PHOX2B: variants seen among roughly 807,000 people sequenced by gnomAD.
PHOX2B encodes paired mesoderm homeobox protein 2B.
In PHOX2B, 1 loss-of-function variant was observed where a neutral mutation model predicts 15.5. The ratio of observed to expected loss-of-function variants is 0.06; its 90% CI spans 0.02 to 0.31. The LOEUF (loss-of-function observed/expected upper bound fraction) is 0.31, where lower values mean the gene tolerates loss of function less well. Ranked by LOEUF, PHOX2B falls within the 10% of genes least tolerant of loss-of-function variation. The probability of loss-of-function intolerance (pLI) is 1.00; values close to 1 mark genes in which losing one functional copy is unlikely to be tolerated. For missense variants in PHOX2B, 314 were observed against 436.4 expected (o/e 0.72, Z 2.50); for synonymous variants, 206 against 190.5 (o/e 1.08, Z -0.67).
At position 41,747,492 on chromosome 4, in the gene PHOX2B, G is replaced by C. The variant is rs1450088667; in HGVS notation, c.286C>G (p.Arg96Gly). ...GTGGTGCGGATGCGCCGCTGCTTGC[G>C]CTTCTCGTTGAGGCCGCCGTGGTCC... ...FTDHGGLNEK[R>G]KQRRIRTTFT... The change falls in exon 2 of 3, where the codon CGC (arginine) becomes GGC (glycine). Residue 96 changes from arginine to glycine, a missense_variant. Physicochemically the swap from Arg to Gly is moderately radical, Grantham distance 125. Coordinates refer to ENST00000226382, the MANE Select transcript of PHOX2B (RefSeq NM_003924.4). The C allele has an allele frequency of 6.2e-7, 1 of 1,610,682 alleles. No individual in the cohort carries two copies.
chr4:41,747,966 AAAT>A (rs1379236265), intron 1 of PHOX2B, among the ~76,000 whole-genome samples: 3 of 152,182 alleles, frequency 2.0e-5, no homozygotes, highest in African/African-American at 4.8e-5. Context: ...AGCTGCAAAA[AAAT>A]AATAATAAAT....
chr4:41,748,171 G>T, intron 1 of PHOX2B, 199 bp downstream of exon 1: 1 of 617,270 alleles, frequency 1.6e-6, no homozygotes, highest in Non-Finnish European at 2.8e-6. Context: ...TGGCGGTTCG[G>T]GTGTGACTAG....
Position 41,746,735 on chromosome 4 carries a change from C to T in PHOX2B, c.430-413G>A, listed in dbSNP as rs188021528. ...GGAAAAGGGATCCTCTCTGGGTTTG[C>T]TCCGCTGCCCATCCCCGGCCTTTGA... On this transcript the variant is annotated intron_variant, in intron 2 of 2. Transcript: ENST00000226382. Among the ~76,000 whole-genome samples, 23 of 152,356 alleles carry T rather than the reference C, an allele frequency of 1.5e-4. No individual in the cohort carries two copies. In the East Asian group the frequency reaches 1.9e-3, roughly 13 times the overall value.
At position 41,746,245 on chromosome 4, in the gene PHOX2B, G is replaced by A; in HGVS notation, c.507C>T (p.Asn169=). The change falls in exon 3 of 3, where the codon AAC becomes AAT. Residue 169 remains asparagine, a synonymous_variant. Transcript: ENST00000226382. ...AGTCAGACTTTTTGCCCGAGGAGCC[G>A]TTCTTGGCCGCGGCCGCTGCGGCTG... ...AAAAAAAAAK[N]GSSGKKSDSS... 1 of 1,613,826 alleles carries A rather than the reference G, an allele frequency of 6.2e-7. No individual in the cohort carries two copies. The highest frequency in any genetic ancestry group is 8.5e-7 in the Non-Finnish European group (1 of 1,179,882).
At chr4:41,746,841 G>T (rs972777390) in intron 2 of PHOX2B, among the ~76,000 whole-genome samples, 1 of 152,216 alleles carries the variant, frequency 6.6e-6, no homozygotes, top group Non-Finnish European at 1.5e-5. Flanking sequence ...ACTCGTGAGC[G>T]CACCTGTGTT....
In PHOX2B at chr4:41,748,685, G is replaced by A; in HGVS notation, c.-75C>T. On this transcript the variant is annotated 5_prime_UTR_variant, in exon 1 of 3. Coordinates refer to ENST00000226382, the MANE Select transcript of PHOX2B (RefSeq NM_003924.4). ...GGATATGGAGAAGGTGGCTGGAGTG[G>A]GGAGATGTGCACAGCTCAACGCCTG... 7.0e-7 allele frequency: 1 copy of A among 1,428,300 alleles called. No individual in the cohort carries two copies. The highest frequency in any genetic ancestry group is 1.2e-5 in the South Asian group (1 of 83,720). The allele number at this position is 1,428,300 out of a possible 1,614,324, so 88.5% of individuals were successfully genotyped here.
chr4:41,748,172 G>C (rs2153113018), intron 1 of PHOX2B, 198 bp downstream of exon 1: 1 of 618,094 alleles, frequency 1.6e-6, no homozygotes, highest in Non-Finnish European at 2.8e-6. Context: ...GGCGGTTCGG[G>C]TGTGACTAGG....
At chr4:41,747,306 G>A in intron 2 of PHOX2B, 43 bp downstream of exon 2, 1 of 1,542,874 alleles carries the variant, frequency 6.5e-7, no homozygotes, top group South Asian at 1.1e-5. Context: ...ACACCTCCCC[G>A]GACCAGTGCG....
chr4:41,745,894 C>A lies in PHOX2B; in HGVS notation c.858G>T (p.Ser286=), dbSNP rs1475326335. 3.7e-6 allele frequency: 6 copies of A among 1,607,800 alleles called. No homozygotes were observed. The highest frequency in any genetic ancestry group is 5.1e-6 in the Non-Finnish European group (6 of 1,177,226). The change falls in exon 3 of 3, where the codon TCG becomes TCT. Residue 286 remains serine (S), a synonymous_variant. Coordinates refer to ENST00000226382, the MANE Select transcript of PHOX2B (RefSeq NM_003924.4). This position sits in a 1 kb window ranked among gnomAD's most constrained non-coding sequence, Gnocchi z 4.0. ...GPGPITSIPD[S]LGGPFASVLS... ...GGACGCTGGCGAAGGGACCCCCAAG[C>A]GAATCCGGGATGGAGGTGATGGGGC...
At chr4:41,747,315 C>T (rs370922121) in intron 2 of PHOX2B, 34 bp downstream of exon 2, 12 of 1,570,948 alleles carry the variant, frequency 7.6e-6, no homozygotes, top group African/African-American at 5.4e-5. Flanking sequence ...CGGACCAGTG[C>T]GGCGGAGCGG....
rs1238860150 is a variant in PHOX2B, at chr4:41,745,554, G to A, written c.*253C>T. 6.6e-6 allele frequency: 3 copies of A among 452,044 alleles called. No individual in the cohort carries two copies. The highest frequency in any genetic ancestry group is 7.9e-6 in the Non-Finnish European group (2 of 254,734). The allele number at this position is 452,044 out of a possible 1,614,324, so 28.0% of individuals were successfully genotyped here. On this transcript the variant is annotated 3_prime_UTR_variant, in exon 3 of 3. Coordinates refer to ENST00000226382, the MANE Select transcript of PHOX2B (RefSeq NM_003924.4). The surrounding 1 kb of genome is among the most constrained non-coding windows in gnomAD (Gnocchi z 4.0). ...AGGCGGAGCCCTGGCCCCGCTGCGA[G>A]GCCCCAGGCAGGTGCGAAGCCAGGG...
chr4:41,746,958 G>A (rs769828863), intron 2 of PHOX2B, among the ~76,000 whole-genome samples: 3 of 152,136 alleles, frequency 2.0e-5, no homozygotes, highest in Non-Finnish European at 4.4e-5. Flanking sequence ...TATGCCATGG[G>A]GCCAGGTTAA....
Position 41,745,985 on chromosome 4 carries a change from G to A in PHOX2B, c.767C>T (p.Ala256Val). Reference sequence around the variant, plus strand: ...AGCCAGGCCTCCAGCTGCCGCCGCTGCCGCTGCCGCCGCCGCCGCTGCCGC... The same window carrying A: ...AGCCAGGCCTCCAGCTGCCGCCGCTACCGCTGCCGCCGCCGCCGCTGCCGC... ...AAAAAAAAAAAAAAAGGLAAA... is the reference protein window; with the variant it reads ...AAAAAAAAAAVAAAAGGLAAA... Residue 256 changes from alanine to valine, a missense_variant, in exon 3 of 3, where the codon GCA (alanine) becomes GTA (valine). Transcript: ENST00000226382. The surrounding 1 kb of genome is among the most constrained non-coding windows in gnomAD (Gnocchi z 4.0). The A allele has an allele frequency of 1.6e-6, 2 of 1,240,770 alleles. No individual in the cohort carries two copies. Among genetic ancestry groups the A allele is most frequent in the Non-Finnish European group, 2.0e-6 (2 of 994,668 alleles). 76.9% of individuals were successfully genotyped at this position (1,240,770 alleles called of 1,614,324 possible). A position where few individuals can be genotyped will look rare whatever the true frequency, so the allele number is the denominator to read the frequency against.
At chr4:41,746,887 A>T (rs1733917807) in intron 2 of PHOX2B, among the ~76,000 whole-genome samples, 1 of 152,170 alleles carries the variant, frequency 6.6e-6, no homozygotes, top group Non-Finnish European at 1.5e-5. Flanking sequence ...CTTGACCTTC[A>T]TGAAGTCACA....
At position 41,748,652 on chromosome 4, in the gene PHOX2B, T is replaced by A; in HGVS notation, c.-42A>T. ...GGCTCAGCCAAGTGGAAAAATGAAA[T>A]AAAAGATGGATATGGAGAAGGTGGC... On this transcript the variant is annotated 5_prime_UTR_variant, in exon 1 of 3. Coordinates refer to ENST00000226382, the MANE Select transcript of PHOX2B (RefSeq NM_003924.4). The A allele has an allele frequency of 6.3e-7, 1 of 1,599,552 alleles. No individual in the cohort carries two copies. Among genetic ancestry groups the A allele is most frequent in the Non-Finnish European group, 8.6e-7 (1 of 1,168,244 alleles).
chr4:41,747,846 A>G, intron 1 of PHOX2B: 6 of 569,800 alleles, frequency 1.1e-5, no homozygotes, highest in South Asian at 9.7e-5. Context: ...AAAAAATCCA[A>G]AAACATCAGT....
rs1400901317 is a variant in PHOX2B at position 41,747,377 on chromosome 4, T to A, written c.401A>T (p.Lys134Met). 6.2e-7 allele frequency: 1 copy of A among 1,608,770 alleles called. No individual in the cohort carries two copies. The highest frequency in any genetic ancestry group is 8.5e-7 in the Non-Finnish European group (1 of 1,179,988). The change falls in exon 2 of 3, where the codon AAG becomes ATG. Residue 134 changes from lysine (K) to methionine (M), a missense_variant. Lys to Met is a moderately conservative substitution (Grantham distance 95). Coordinates refer to ENST00000226382, the MANE Select transcript of PHOX2B (RefSeq NM_003924.4). Reference sequence around the variant, plus strand: ...GACTCGCGCCTCTGTGAGGTCGATCTTCAGGGCCAGCTCCTCCCGAGTGTA... The same window carrying A: ...GACTCGCGCCTCTGTGAGGTCGATCATCAGGGCCAGCTCCTCCCGAGTGTA... Reference protein sequence around the residue: ...DIYTREELALKIDLTEARVQV... With the variant: ...DIYTREELALMIDLTEARVQV...
intron 1 of PHOX2B, 191 bp downstream of exon 1, chr4:41,748,179 T>C (rs1733973408): frequency 1.6e-6 from 1 of 641,030 alleles, no homozygotes; most frequent in Admixed American, 2.9e-5. Context: ...CGGGTGTGAC[T>C]AGGATAGTGT....
Position 41,747,376 on chromosome 4 carries a change from C to T in PHOX2B, c.402G>A (p.Lys134=), listed in dbSNP as rs1328724280. 1.2e-6 allele frequency: 2 copies of T among 1,608,778 alleles called. No homozygotes were observed. Among genetic ancestry groups the T allele is most frequent in the East Asian group, 2.2e-5 (1 of 44,854 alleles). ...GGACTCGCGCCTCTGTGAGGTCGAT[C>T]TTCAGGGCCAGCTCCTCCCGAGTGT... The part of the protein sequence containing the change: ...DIYTREELAL[K]IDLTEARVQV... The change falls in exon 2 of 3, where the codon AAG becomes AAA. Residue 134 remains lysine (K), a synonymous_variant. Transcript: ENST00000226382.
Sources: allele counts gnomAD v4.1 joint callset (sites outside exome capture counted in the v4.1 genomes callset), GRCh38; gene constraint gnomAD v4.1.1; non-coding constraint Gnocchi (gnomAD v3.1); transcripts MANE v1.5; gene names NCBI Gene and HGNC (gene_info 2026-07-23, HGNC 2026-07-21).